GFPT1: variants seen among roughly 807,000 people sequenced by gnomAD.
The protein encoded by GFPT1 is glutamine--fructose-6-phosphate transaminase 1, also known as glutamine--fructose-6-phosphate aminotransferase [isomerizing] 1.
A neutral mutation model predicts 92.0 loss-of-function variants in GFPT1; 40 were observed. The ratio of observed to expected loss-of-function variants is 0.43; its 90% CI spans 0.34 to 0.57. GFPT1 has a LOEUF of 0.57. Ranked by LOEUF, GFPT1 falls within the 20% of genes least tolerant of loss-of-function variation. The pLI is 0.02. For missense variants in GFPT1, 448 were observed against 869.1 expected, an observed-to-expected ratio of 0.52 and a Z score of 6.09; for synonymous variants, 269 against 280.6, an observed-to-expected ratio of 0.96 and a Z score of 0.41.
intron 15 of GFPT1, among the ~76,000 whole-genome samples, chr2:69,333,886 G>A (rs951427841): frequency 4.6e-5 from 7 of 152,156 alleles, no homozygotes; most frequent in African/African-American, 7.2e-5. Context: ...GGCTGGGCGC[G>A]GTGGCTTACG....
chr2:69,367,756 T>G (rs1160237367), intron 3 of GFPT1, among the ~76,000 whole-genome samples: 1 of 152,228 alleles, frequency 6.6e-6, no homozygotes, highest in East Asian at 1.9e-4. Context: ...TGTCACCTTG[T>G]TCACTGTGTT....
chr2:69,354,057 A>G (rs1256975193), intron 9 of GFPT1, among the ~76,000 whole-genome samples: 2 of 152,266 alleles, frequency 1.3e-5, no homozygotes, highest in Non-Finnish European at 2.9e-5. Context: ...TAATGAAATT[A>G]TTAAAAGCAC....
At chr2:69,384,740 G>A (rs1476904292) in intron 1 of GFPT1, among the ~76,000 whole-genome samples, 7 of 122,274 alleles carry the variant, frequency 5.7e-5, no homozygotes, top group Non-Finnish European at 9.0e-5. Context: ...AAAGAAAGAA[G>A]AGAAAGAAAG....
intron 3 of GFPT1, among the ~76,000 whole-genome samples, 172 bp downstream of exon 3, chr2:69,369,829 A>T (rs1026583000): frequency 6.6e-6 from 1 of 152,214 alleles, no homozygotes; most frequent in African/African-American, 2.4e-5. Context: ...GTACATTTTA[A>T]AACTAGTCCA....
intron 15 of GFPT1, among the ~76,000 whole-genome samples, chr2:69,334,065 A>C (rs543959345): frequency 3.5e-4 from 54 of 152,344 alleles, no homozygotes; most frequent in Non-Finnish European, 6.8e-4. Flanking sequence ...CTGAGGCAGG[A>C]GAATCACTTG....
intron 13 of GFPT1, among the ~76,000 whole-genome samples, chr2:69,341,646 A>G (rs986983627): frequency 6.8e-6 from 1 of 146,350 alleles, no homozygotes; most frequent in Admixed American, 6.7e-5. Context: ...CTGCACTGAC[A>G]ATACACATTT....
chr2:69,364,347 G>A (rs1360656053), intron 3 of GFPT1, among the ~76,000 whole-genome samples: 2 of 152,160 alleles, frequency 1.3e-5, no homozygotes, highest in Non-Finnish European at 2.9e-5. Flanking sequence ...GATAAAGTTA[G>A]GTGAAGTATA....
Position 69,387,096 on chromosome 2 carries a change from G to T in GFPT1, c.-25C>A. ...TGATGCCGGAGACACGGCCCGCGAGGCCAGGGGCGAGTGGCTGGCGGGATC... is the reference window on the plus strand; with the variant it reads ...TGATGCCGGAGACACGGCCCGCGAGTCCAGGGGCGAGTGGCTGGCGGGATC... On this transcript the variant is annotated 5_prime_UTR_variant, in exon 1 of 20. Coordinates refer to ENST00000357308, the MANE Select transcript of GFPT1 (RefSeq NM_001244710.2). 1 of 1,532,812 alleles carries T rather than the reference G, an allele frequency of 6.5e-7. No homozygotes were observed. 95.0% of individuals were successfully genotyped at this position (1,532,812 alleles called of 1,614,324 possible).
At chr2:69,362,339 C>G (rs1028813609) in intron 4 of GFPT1, among the ~76,000 whole-genome samples, 1 of 152,150 alleles carries the variant, frequency 6.6e-6, no homozygotes, top group African/African-American at 2.4e-5. Context: ...GTTGCTCAGG[C>G]TGGTCTCAAA....
At chr2:69,343,352 G>A (rs1671001653) in intron 12 of GFPT1, among the ~76,000 whole-genome samples, 1 of 151,802 alleles carries the variant, frequency 6.6e-6, no homozygotes, top group Admixed American at 6.6e-5. Context: ...GCCTCATCCT[G>A]CTGCTCTCTC....
intron 1 of GFPT1, among the ~76,000 whole-genome samples, chr2:69,374,407 G>C (rs934620567): frequency 1.3e-5 from 2 of 151,120 alleles, no homozygotes; most frequent in African/African-American, 4.9e-5. Context: ...TCCGCCTCCC[G>C]GGTTCACACC....
intron 12 of GFPT1, among the ~76,000 whole-genome samples, 171 bp downstream of exon 12, chr2:69,345,733 A>G (rs1423892537): frequency 6.6e-6 from 1 of 152,192 alleles, no homozygotes; most frequent in East Asian, 1.9e-4. Flanking sequence ...GATATCTTAT[A>G]TAGGTAGAAT....
At chr2:69,333,751 C>T (rs571654334) in intron 15 of GFPT1, among the ~76,000 whole-genome samples, 2 of 152,294 alleles carry the variant, frequency 1.3e-5, no homozygotes, top group South Asian at 4.1e-4. Flanking sequence ...CTATGAGAAA[C>T]TCAGTAAGAT....
rs73937257 is a variant in GFPT1 at position 69,359,171 on chromosome 2, C to T, written c.408+97G>A. On this transcript the variant is annotated intron_variant, in intron 5 of 19. Transcript: ENST00000357308. Reference sequence around the variant, plus strand: ...TTGTCCAAGAAATTAATTGATGACACACATATGGTGTTTGTTGCACATCCC... The same window carrying T: ...TTGTCCAAGAAATTAATTGATGACATACATATGGTGTTTGTTGCACATCCC... The T allele has an allele frequency of 7.0e-3, 5,335 of 764,240 alleles. 203 individuals carry two copies. In the African/African-American group the frequency reaches 0.077, roughly 11 times the overall value. The allele number at this position is 764,240 out of a possible 1,614,324, so 47.3% of individuals were successfully genotyped here.
chr2:69,358,168 AAATC>A (rs1424750973), intron 6 of GFPT1, among the ~76,000 whole-genome samples, 157 bp downstream of exon 6: 1 of 152,252 alleles, frequency 6.6e-6, no homozygotes, highest in African/African-American at 2.4e-5. Context: ...GGGAATCAAT[AAATC>A]AATCAGTTTC....
chr2:69,360,236 G>A (rs973523015), intron 4 of GFPT1, among the ~76,000 whole-genome samples: 3 of 151,444 alleles, frequency 2.0e-5, no homozygotes, highest in Non-Finnish European at 4.4e-5. Context: ...GGCTGAGGCA[G>A]GAGAATCGCT....
At chr2:69,340,379 T>G (rs908511344) in intron 13 of GFPT1, among the ~76,000 whole-genome samples, 2 of 151,984 alleles carry the variant, frequency 1.3e-5, no homozygotes, top group African/African-American at 4.8e-5. Context: ...CACAATAGAG[T>G]AACTTAATGC....
chr2:69,329,330 G>A lies in GFPT1; in HGVS notation c.1692C>T (p.Gly564=). 1.2e-6 allele frequency: 2 copies of A among 1,613,028 alleles called. No individual in the cohort carries two copies. Among genetic ancestry groups the A allele is most frequent in the Non-Finnish European group, 1.7e-6 (2 of 1,179,046 alleles). The change falls in exon 17 of 20, where the codon GGC becomes GGT. Residue 564 remains glycine (G), a synonymous_variant. Coordinates refer to ENST00000357308, the MANE Select transcript of GFPT1 (RefSeq NM_001244710.2). ...CTTCAAGACAAGTAGCATAATGATA[G>A]CCTCGTCCCATTATCAGAACTGACT... ...HQKSVLIMGR[G]YHYATCLEGA...
At chr2:69,358,539 C>A in intron 5 of GFPT1, 76 bp from the exon 6 acceptor site, 1 of 982,726 alleles carries the variant, frequency 1.0e-6, no homozygotes, top group South Asian at 1.4e-5. Context: ...AGAATTGTTC[C>A]GTCAAAATGC....
Sources: gnomAD v4.1 joint callset for allele counts (sites outside exome capture counted in the v4.1 genomes callset) on GRCh38, gnomAD v4.1.1 for gene constraint, MANE v1.5 for transcripts, NCBI Gene and HGNC (gene_info 2026-07-23, HGNC 2026-07-21) for gene names.